Variants in DCC observed in about 807,000 individuals in gnomAD.
DCC encodes the protein DCC netrin 1 receptor.
In DCC, 58 loss-of-function variants were observed where a neutral mutation model predicts 172.5. The ratio of observed to expected loss-of-function variants is 0.34; its 90% confidence interval spans 0.27 to 0.42. The LOEUF (loss-of-function observed/expected upper bound fraction) is 0.42, where lower values mean the gene tolerates loss of function less well. Ranked by LOEUF, DCC falls within the 10% of genes least tolerant of loss-of-function variation. The probability of loss-of-function intolerance (pLI) is 1.00; values close to 1 mark genes in which losing one functional copy is unlikely to be tolerated. For missense variants in DCC, 1,740 were observed against 1,791.0 expected, an observed-to-expected ratio of 0.97 and a Z score of 0.51; for synonymous variants, 709 against 644.5, an observed-to-expected ratio of 1.10 and a Z score of -1.52.
chr18:52,635,160 T>C (rs1443404095), intron 1 of DCC, among the ~76,000 whole-genome samples: 2 of 152,218 alleles, frequency 1.3e-5, no homozygotes, highest in Admixed American at 1.3e-4. Flanking sequence ...CAGTAGTTTA[T>C]CATTGTCAGG....
chr18:52,916,313 T>C (rs1487501041), intron 3 of DCC, among the ~76,000 whole-genome samples: 1 of 151,876 alleles, frequency 6.6e-6, no homozygotes, highest in Non-Finnish European at 1.5e-5. Flanking sequence ...TTCTCAAAAA[T>C]GAACAAAGTG....
chr18:52,492,412 A>T (rs1006841712), intron 1 of DCC, among the ~76,000 whole-genome samples: 8 of 151,938 alleles, frequency 5.3e-5, no homozygotes, highest in African/African-American at 1.9e-4. Flanking sequence ...TCACTAAAGG[A>T]ACAAGGTTCT....
rs1339113368 is a variant in DCC, at chr18:52,969,513, C to T, written c.985+44143C>T. 2.0e-5 allele frequency among the ~76,000 whole-genome samples: 3 copies of T among 151,686 alleles called. No homozygotes were observed. The East Asian group carries it at 5.8e-4, about 29-fold the overall frequency. On this transcript the variant is annotated intron_variant, in intron 5 of 28. Coordinates refer to ENST00000442544, the MANE Select transcript of DCC (RefSeq NM_005215.4). ...ACAAAATGCTATAAATTCCCTAGAA[C>T]CTACTTAGTTGACTTACTTATCTCA... is the stretch of plus-strand genomic sequence containing the variant.
intron 5 of DCC, among the ~76,000 whole-genome samples, chr18:52,971,146 G>T (rs1026944823): frequency 2.6e-5 from 4 of 152,210 alleles, no homozygotes; most frequent in African/African-American, 9.6e-5. Flanking sequence ...AAAAAACACA[G>T]CTTTTTCCTT....
At chr18:53,358,209 C>T (rs541942281) in intron 15 of DCC, among the ~76,000 whole-genome samples, 65 of 151,780 alleles carry the variant, frequency 4.3e-4, no homozygotes, top group Non-Finnish European at 6.2e-4. Context: ...TAGTGTGTTT[C>T]GGTGCTTTTA....
intron 18 of DCC, among the ~76,000 whole-genome samples, chr18:53,399,225 T>A (rs1283411437): frequency 6.6e-6 from 1 of 152,152 alleles, no homozygotes; most frequent in East Asian, 1.9e-4. Context: ...GAACTGTTGG[T>A]TTATCCCTTC....
chr18:52,760,030 G>C (rs965444938), intron 2 of DCC, among the ~76,000 whole-genome samples: 2 of 152,170 alleles, frequency 1.3e-5, no homozygotes, highest in Admixed American at 1.3e-4. Flanking sequence ...CTGCACCTCT[G>C]TATGATATTC....
chr18:53,059,621 A>T (rs2042465455), intron 5 of DCC, among the ~76,000 whole-genome samples: 1 of 152,168 alleles, frequency 6.6e-6, no homozygotes, highest in Non-Finnish European at 1.5e-5. Flanking sequence ...AGTATTCTAA[A>T]ATAATCAATA....
intron 15 of DCC, among the ~76,000 whole-genome samples, chr18:53,340,487 T>C (rs1363671002): frequency 2.6e-5 from 4 of 152,150 alleles, no homozygotes; most frequent in Non-Finnish European, 5.9e-5. Context: ...CCATCCTGCA[T>C]GTTTCCCTGC....
At chr18:52,965,499 C>G (rs2040914592) in intron 5 of DCC, among the ~76,000 whole-genome samples, 1 of 152,040 alleles carries the variant, frequency 6.6e-6, no homozygotes, top group Non-Finnish European at 1.5e-5. Flanking sequence ...TGCCATGCAC[C>G]TTATATATTT....
At chr18:52,955,813 G>C (rs1177482418) in intron 5 of DCC, among the ~76,000 whole-genome samples, 1 of 151,978 alleles carries the variant, frequency 6.6e-6, no homozygotes, top group African/African-American at 2.4e-5. Context: ...ATATGATACT[G>C]AATGCATGTT....
chr18:53,205,192 T>C, intron 9 of DCC, 24 bp from the exon 10 acceptor site: 1 of 1,604,380 alleles, frequency 6.2e-7, no homozygotes, highest in Non-Finnish European at 8.5e-7. Flanking sequence ...CTTTTCTTTC[T>C]TTCTTTATTA....
intron 1 of DCC, among the ~76,000 whole-genome samples, chr18:52,344,147 C>T (rs929571373): frequency 6.6e-6 from 1 of 152,194 alleles, no homozygotes; most frequent in East Asian, 1.9e-4. Context: ...GTGTGTATGA[C>T]TTAAATTTAT....
intron 9 of DCC, 47 bp downstream of exon 9, chr18:53,179,163 C>G (rs778927214): frequency 1.3e-6 from 2 of 1,558,052 alleles, no homozygotes; most frequent in South Asian, 1.1e-5. Context: ...ATTTATTTTC[C>G]TCTGCAATAT....
At chr18:53,242,606 C>G (rs1250560960) in intron 12 of DCC, among the ~76,000 whole-genome samples, 1 of 152,080 alleles carries the variant, frequency 6.6e-6, no homozygotes, top group African/African-American at 2.4e-5. Flanking sequence ...AAATTTAACC[C>G]TATCATGATA....
rs140536363 is a variant in DCC at position 52,481,333 on chromosome 18, G to A, written c.91+140455G>A. ...GGGCTCACACAGTTGGCCACCTTCC[G>A]GCTGTCACCTGCAATCCTGGGAGTG... On this transcript the variant is annotated intron_variant, in intron 1 of 28. Coordinates refer to ENST00000442544, the MANE Select transcript of DCC (RefSeq NM_005215.4). 7.4e-3 allele frequency among the ~76,000 whole-genome samples: 1,104 copies of A among 149,876 alleles called. 7 individuals carry two copies. Among genetic ancestry groups the A allele is most frequent in the Admixed American group, 9.5e-3 (144 of 15,116 alleles).
intron 2 of DCC, among the ~76,000 whole-genome samples, chr18:52,879,842 A>T (rs1377940794): frequency 2.6e-5 from 4 of 152,148 alleles, no homozygotes; most frequent in Non-Finnish European, 5.9e-5. Flanking sequence ...ATGATATTGA[A>T]ATTAAATTTC....
At chr18:52,464,562 C>T (rs192300284) in intron 1 of DCC, among the ~76,000 whole-genome samples, 9 of 152,326 alleles carry the variant, frequency 5.9e-5, no homozygotes, top group African/African-American at 1.9e-4. Context: ...TTAAAATTTG[C>T]AATTATCTAC....
chr18:52,457,193 A>G lies in DCC; in HGVS notation c.91+116315A>G, dbSNP rs2144529096. 1.3e-5 allele frequency among the ~76,000 whole-genome samples: 2 copies of G among 152,296 alleles called. 1 individual carries two copies. The highest frequency in any genetic ancestry group is 4.1e-4 in the South Asian group (2 of 4,826). ...ATTTTGAAATGAGGTGCCAGAAGAAAGGCAGAAGTGGGATAAGTGGAATTT... is the reference window on the plus strand; with the variant it reads ...ATTTTGAAATGAGGTGCCAGAAGAAGGGCAGAAGTGGGATAAGTGGAATTT... On this transcript the variant is annotated intron_variant, in intron 1 of 28. Coordinates refer to ENST00000442544, the MANE Select transcript of DCC (RefSeq NM_005215.4).
Sources: allele counts gnomAD v4.1 joint callset (sites outside exome capture counted in the v4.1 genomes callset), GRCh38; gene constraint gnomAD v4.1.1; transcripts MANE v1.5; gene names NCBI Gene and HGNC (gene_info 2026-07-23, HGNC 2026-07-21).